CDH19: variants seen among roughly 807,000 people sequenced by gnomAD.
The protein encoded by CDH19 is cadherin 19, also known as cadherin-19.
CDH19 carries 67 observed loss-of-function variants against 64.2 expected under a neutral mutation model. The ratio of observed to expected loss-of-function variants is 1.04; its 90% CI spans 0.86 to 1.28. The LOEUF is 1.28. CDH19 is among the 50% of genes most tolerant of loss of function. The pLI is 0.00. For missense variants in CDH19, 1,030 were observed against 929.0 expected, an observed-to-expected ratio of 1.11 and a Z score of -1.41; for synonymous variants, 346 against 319.3, an observed-to-expected ratio of 1.08 and a Z score of -0.89.
rs917627118 is a variant in CDH19, at chr18:66,503,107, G to C, written c.*1705C>G. The C allele has an allele frequency of 1.6e-4, 24 of 151,776 alleles. No individual in the cohort carries two copies. Among genetic ancestry groups the C allele is most frequent in the African/African-American group, 5.8e-4 (24 of 41,412 alleles). 9.4% of individuals were successfully genotyped at this position (151,776 alleles called of 1,614,324 possible). On this transcript the variant is annotated 3_prime_UTR_variant, in exon 12 of 12. Transcript: ENST00000262150. ...GCTATTAATAAAAAAATGATCATATGAACCAATTTTAAGAATTTTGTATTC... is the reference window on the plus strand; with the variant it reads ...GCTATTAATAAAAAAATGATCATATCAACCAATTTTAAGAATTTTGTATTC...
chr18:66,596,424 T>A (rs1394443163), intron 1 of CDH19: 1 of 152,010 alleles, frequency 6.6e-6, no homozygotes, highest in Non-Finnish European at 1.5e-5. Context: ...TGCCCAGAGG[T>A]TCCTAGATCT....
chr18:66,557,398 A>G (rs1483021397), intron 3 of CDH19, among the ~76,000 whole-genome samples: 1 of 152,038 alleles, frequency 6.6e-6, no homozygotes, highest in East Asian at 1.9e-4. Flanking sequence ...CCTGTTGTCT[A>G]CTAAGTGGAG....
chr18:66,594,049 C>G (rs1988815400), intron 1 of CDH19, among the ~76,000 whole-genome samples: 1 of 151,906 alleles, frequency 6.6e-6, no homozygotes, highest in Non-Finnish European at 1.5e-5. Flanking sequence ...ACAATGACAC[C>G]CACAGGCTCA....
At chr18:66,549,592 C>T (rs1169695776) in intron 5 of CDH19, among the ~76,000 whole-genome samples, 1 of 152,112 alleles carries the variant, frequency 6.6e-6, no homozygotes, top group African/African-American at 2.4e-5. Context: ...ATAGTCCATC[C>T]ACAGAGGAAC....
chr18:66,509,227 C>T lies in CDH19; in HGVS notation c.1596G>A (p.Leu532=). The T allele has an allele frequency of 4.3e-6, 7 of 1,612,186 alleles. No homozygotes were observed. The highest frequency in any genetic ancestry group is 5.9e-6 in the Non-Finnish European group (7 of 1,178,930). ...IDNQDNTAVI[L]TNRTGFNLQE... ...GAAGGTTAAAACCAGTTCTATTAGTCAAAATGACAGCTGTGTTATCTAAAA... is the reference window on the plus strand; with the variant it reads ...GAAGGTTAAAACCAGTTCTATTAGTTAAAATGACAGCTGTGTTATCTAAAA... The change falls in exon 11 of 12, where the codon TTG becomes TTA. Residue 532 remains leucine (L), a synonymous_variant. Coordinates refer to ENST00000262150, the MANE Select transcript of CDH19 (RefSeq NM_021153.4).
At chr18:66,509,898 T>C (rs1326372117) in intron 10 of CDH19, among the ~76,000 whole-genome samples, 1 of 151,898 alleles carries the variant, frequency 6.6e-6, no homozygotes, top group African/African-American at 2.4e-5. Context: ...TTAATCTATT[T>C]TGTATTTAAA....
chr18:66,509,646 T>C (rs930849508), intron 10 of CDH19, among the ~76,000 whole-genome samples: 1 of 151,772 alleles, frequency 6.6e-6, no homozygotes, highest in African/African-American at 2.4e-5. Context: ...CAATAATTTA[T>C]AGGGACTACC....
intron 11 of CDH19, among the ~76,000 whole-genome samples, chr18:66,507,514 AG>A (rs764706621): frequency 6.6e-6 from 1 of 151,782 alleles, no homozygotes; most frequent in Non-Finnish European, 1.5e-5. Flanking sequence ...AAAAAGGAAA[AG>A]GTTATGCTAG....
rs2097020 is a variant in CDH19 at position 66,501,779 on chromosome 18, G to C, written c.*3033C>G. The C allele has an allele frequency of 5.3e-5, 8 of 151,986 alleles. No homozygotes were observed. The East Asian group carries it at 9.7e-4, about 18-fold the overall frequency. The allele number at this position is 151,986 out of a possible 1,614,324, so 9.4% of individuals were successfully genotyped here. A position where few individuals can be genotyped will look rare whatever the true frequency, so the allele number is the denominator to read the frequency against. On this transcript the variant is annotated 3_prime_UTR_variant, in exon 12 of 12. Coordinates refer to ENST00000262150, the MANE Select transcript of CDH19 (RefSeq NM_021153.4). ...ACCATGTGAAATAGGTTGATTGGAC[G>C]TCATTTTACAAAGTGAGATCTGGAA...
intron 9 of CDH19, among the ~76,000 whole-genome samples, chr18:66,519,070 CTT>C (rs1985867313): frequency 6.6e-6 from 1 of 152,056 alleles, no homozygotes; most frequent in Non-Finnish European, 1.5e-5. Flanking sequence ...GAGTTCTTAA[CTT>C]TTGTTTTTTA....
chr18:66,576,755 T>G (rs1179484781), intron 1 of CDH19, among the ~76,000 whole-genome samples: 1 of 151,588 alleles, frequency 6.6e-6, no homozygotes, highest in African/African-American at 2.4e-5. Context: ...ATGAGAAGCA[T>G]CTAGATTAAA....
chr18:66,562,440 G>C (rs1288097053), intron 3 of CDH19, among the ~76,000 whole-genome samples: 1 of 152,012 alleles, frequency 6.6e-6, no homozygotes, highest in Non-Finnish European at 1.5e-5. Context: ...TGATCTGACA[G>C]GAGGCGGAGC....
At chr18:66,545,373 T>C (rs1987071535) in intron 5 of CDH19, among the ~76,000 whole-genome samples, 1 of 151,830 alleles carries the variant, frequency 6.6e-6, no homozygotes, top group South Asian at 2.1e-4. Flanking sequence ...GTTCTCTTTT[T>C]TCTTTCTCTT....
intron 9 of CDH19, among the ~76,000 whole-genome samples, chr18:66,511,890 T>C (rs1358626485): frequency 6.6e-6 from 1 of 151,606 alleles, no homozygotes; most frequent in Admixed American, 6.6e-5. Context: ...AAGAGTGTTG[T>C]AATATTACAT....
intron 3 of CDH19, among the ~76,000 whole-genome samples, chr18:66,557,411 T>G (rs779703062): frequency 1.2e-4 from 18 of 152,008 alleles, no homozygotes; most frequent in Non-Finnish European, 2.4e-4. Flanking sequence ...AAGTGGAGAA[T>G]CTAATGTATT....
intron 10 of CDH19, among the ~76,000 whole-genome samples, chr18:66,510,465 C>T (rs1282952990): frequency 6.8e-6 from 1 of 147,356 alleles, no homozygotes; most frequent in Non-Finnish European, 1.5e-5. Context: ...TAAATATATA[C>T]ATTTAAAAAC....
intron 3 of CDH19, among the ~76,000 whole-genome samples, chr18:66,564,535 T>C (rs906919688): frequency 3.9e-5 from 6 of 151,918 alleles, no homozygotes; most frequent in Admixed American, 6.6e-5. Flanking sequence ...AGAGAGTGGA[T>C]AGTCTTTTTA....
intron 8 of CDH19, among the ~76,000 whole-genome samples, chr18:66,533,539 C>T (rs1465750064): frequency 6.6e-6 from 1 of 151,872 alleles, no homozygotes; most frequent in Non-Finnish European, 1.5e-5. Flanking sequence ...TCTTTGTGTT[C>T]CTAAACTTTG....
At chr18:66,586,022 T>C (rs1269265493) in intron 1 of CDH19, among the ~76,000 whole-genome samples, 1 of 152,090 alleles carries the variant, frequency 6.6e-6, no homozygotes, top group East Asian at 1.9e-4. Context: ...TAATTAGAAA[T>C]TGTCTTTTCT....
Sources: gnomAD v4.1 joint callset for allele counts (sites outside exome capture counted in the v4.1 genomes callset) on GRCh38, gnomAD v4.1.1 for gene constraint, MANE v1.5 for transcripts, NCBI Gene and HGNC (gene_info 2026-07-23, HGNC 2026-07-21) for gene names.